RNGTT: variants seen among roughly 807,000 people sequenced by gnomAD.
RNGTT encodes RNA guanylyltransferase and 5'-phosphatase.
Under a neutral mutation model 79.3 loss-of-function variants are expected in RNGTT, and 33 were observed. The ratio of observed to expected loss-of-function variants is 0.42; its 90% CI spans 0.32 to 0.56. The LOEUF (loss-of-function observed/expected upper bound fraction) is 0.56. Ranked by LOEUF, RNGTT falls within the 20% of genes least tolerant of loss-of-function variation. The pLI, the probability that RNGTT is intolerant of heterozygous loss-of-function variation, is 0.17. For synonymous variants in RNGTT, 222 were observed against 235.9 expected (o/e 0.94, Z 0.54); for missense variants, 497 against 739.1 (o/e 0.67, Z 3.80).
At chr6:88,615,472 C>G (rs955768084) in intron 14 of RNGTT, among the ~76,000 whole-genome samples, 15 of 152,160 alleles carry the variant, frequency 9.9e-5, no homozygotes, top group African/African-American at 3.1e-4. Context: ...GTGCAATACA[C>G]TCAGTGGTTT....
At chr6:88,930,082 A>ATG (rs1562046159) in intron 2 of RNGTT, among the ~76,000 whole-genome samples, 27 of 119,770 alleles carry the variant, frequency 2.3e-4, no homozygotes, top group South Asian at 7.7e-4. Context: ...ATACATATAC[A>ATG]TATATACATA....
rs752271071 is a variant in RNGTT at position 88,890,623 on chromosome 6, C to T, written c.795-27G>A. 2.6e-5 allele frequency: 40 copies of T among 1,512,886 alleles called. No homozygotes were observed. In the South Asian group the frequency reaches 4.0e-4, roughly 15 times the overall value. The allele number at this position is 1,512,886 out of a possible 1,614,324, so 93.7% of individuals were successfully genotyped here. ...TTAAAGAAGAACACAGTATTACTAT[C>T]GTGGCTGGTATCCATACAAAGCAAT... On this transcript the variant is annotated intron_variant, in intron 7 of 15. Coordinates refer to ENST00000369485, the MANE Select transcript of RNGTT (RefSeq NM_003800.5).
chr6:88,875,216 T>C (rs541196007), intron 8 of RNGTT, among the ~76,000 whole-genome samples: 29 of 152,160 alleles, frequency 1.9e-4, no homozygotes, highest in African/African-American at 6.7e-4. Flanking sequence ...TTTTCTATTA[T>C]TTATTTATAA....
At chr6:88,766,588 G>C (rs1778470544) in intron 13 of RNGTT, among the ~76,000 whole-genome samples, 1 of 152,050 alleles carries the variant, frequency 6.6e-6, no homozygotes, top group African/African-American at 2.4e-5. Context: ...GAAGAGCAAA[G>C]TATGGATTTT....
At chr6:88,651,262 T>C (rs1346749864) in intron 14 of RNGTT, among the ~76,000 whole-genome samples, 1 of 152,116 alleles carries the variant, frequency 6.6e-6, no homozygotes, top group Non-Finnish European at 1.5e-5. Context: ...AGAACTATAA[T>C]AATATACTAT....
At chr6:88,883,170 C>CAAA (rs976114373) in intron 8 of RNGTT, among the ~76,000 whole-genome samples, 9 of 68,842 alleles carry the variant, frequency 1.3e-4, no homozygotes, top group Admixed American at 1.7e-4. Flanking sequence ...CTCTTTATGA[C>CAAA]AAAAAAAAAA....
chr6:88,617,696 G>A (rs1015259245), intron 14 of RNGTT, among the ~76,000 whole-genome samples: 21 of 152,248 alleles, frequency 1.4e-4, no homozygotes, highest in African/African-American at 4.8e-4. Context: ...TGAATTTTAA[G>A]ATAGTTTTTT....
intron 14 of RNGTT, 116 bp downstream of exon 14, chr6:88,678,237 C>T (rs1187144805): frequency 2.8e-6 from 4 of 1,417,004 alleles, no homozygotes; most frequent in Admixed American, 4.7e-5. Context: ...CCTGTCTTAG[C>T]CTCCCAAAGT....
At chr6:88,624,805 A>T (rs1424122393) in intron 14 of RNGTT, among the ~76,000 whole-genome samples, 2 of 151,944 alleles carry the variant, frequency 1.3e-5, no homozygotes, top group African/African-American at 4.8e-5. Context: ...TTATAATAAA[A>T]TATTTGCAAA....
Position 88,612,830 on chromosome 6 carries a change from G to A in RNGTT, c.1683C>T (p.Phe561=). ...GAGAAGCTGCAGTACATCTGTCGAT[G>A]AACTCAAACAGCATCTCCTTGGTGA... is the stretch of plus-strand genomic sequence containing the variant. ...NPVTKEMLFE[F]IDRCTAASQG... The change falls in exon 16 of 16, where the codon TTC becomes TTT. Residue 561 remains phenylalanine, a synonymous_variant. Coordinates refer to ENST00000369485, the MANE Select transcript of RNGTT (RefSeq NM_003800.5). 1 of 1,613,792 alleles carries A rather than the reference G, an allele frequency of 6.2e-7. No homozygotes were observed. The highest frequency in any genetic ancestry group is 8.5e-7 in the Non-Finnish European group (1 of 1,179,946).
At chr6:88,743,610 T>C (rs1017222938) in intron 13 of RNGTT, among the ~76,000 whole-genome samples, 2 of 152,226 alleles carry the variant, frequency 1.3e-5, no homozygotes, top group Middle Eastern at 3.2e-3. Context: ...TTTTGCATAA[T>C]GTCCTGAAGG....
intron 11 of RNGTT, among the ~76,000 whole-genome samples, chr6:88,802,646 G>C (rs1382082418): frequency 6.6e-6 from 1 of 152,144 alleles, no homozygotes; most frequent in South Asian, 2.1e-4. Flanking sequence ...GTTCCACATG[G>C]CTGGGGTGGC....
intron 1 of RNGTT, among the ~76,000 whole-genome samples, chr6:88,956,354 T>TA (rs1440734627): frequency 3.3e-5 from 5 of 151,502 alleles, no homozygotes; most frequent in Non-Finnish European, 5.9e-5. Flanking sequence ...GAAACAGTCA[T>TA]AAAAAAACTG....
At chr6:88,674,003 G>C (rs1167404267) in intron 14 of RNGTT, among the ~76,000 whole-genome samples, 1 of 152,172 alleles carries the variant, frequency 6.6e-6, no homozygotes, top group Admixed American at 6.5e-5. Context: ...CGGTGAATGG[G>C]ATAGCGAGGG....
At chr6:88,724,100 T>C (rs544286302) in intron 13 of RNGTT, among the ~76,000 whole-genome samples, 2 of 152,174 alleles carry the variant, frequency 1.3e-5, no homozygotes, top group Non-Finnish European at 2.9e-5. Context: ...GTTTGTAAAG[T>C]AAAAAAGTTA....
Position 88,738,839 on chromosome 6 carries a change from T to TATACAC in RNGTT, c.1439+30934_1439+30935insGTGTAT, listed in dbSNP as rs1554211729. ...TGGAAACTAAAGTCTATAAATAAAA[T>TATACAC]ACACACACACACACACACACACACA... On this transcript the variant is annotated intron_variant, in intron 13 of 15. Coordinates refer to ENST00000369485, the MANE Select transcript of RNGTT (RefSeq NM_003800.5). 6.6e-3 allele frequency among the ~76,000 whole-genome samples: 941 copies of TATACAC among 142,592 alleles called. 7 individuals carry two copies. The highest frequency in any genetic ancestry group is 0.022 in the African/African-American group (867 of 39,102). 93.5% of individuals were successfully genotyped at this position (142,592 alleles called of 152,430 possible).
chr6:88,667,810 C>T (rs1049298973), intron 14 of RNGTT, among the ~76,000 whole-genome samples: 3 of 152,082 alleles, frequency 2.0e-5, no homozygotes, highest in African/African-American at 2.4e-5. Context: ...GTGAATGAAT[C>T]GGACTATAAA....
chr6:88,742,032 T>C (rs1777509486), intron 13 of RNGTT, among the ~76,000 whole-genome samples: 1 of 152,202 alleles, frequency 6.6e-6, no homozygotes, highest in Non-Finnish European at 1.5e-5. Context: ...TTAACTGATG[T>C]TAAAAAACAT....
chr6:88,695,421 C>G (rs1452458426), intron 13 of RNGTT, among the ~76,000 whole-genome samples: 1 of 152,122 alleles, frequency 6.6e-6, no homozygotes, highest in Non-Finnish European at 1.5e-5. Context: ...TTCAATATCA[C>G]TAAGCATTAG....
Sources: allele counts gnomAD v4.1 joint callset (sites outside exome capture counted in the v4.1 genomes callset), GRCh38; gene constraint gnomAD v4.1.1; transcripts MANE v1.5; gene names NCBI Gene and HGNC (gene_info 2026-07-23, HGNC 2026-07-21).